Variants in OR7E24 observed in about 807,000 individuals in gnomAD.
OR7E24 encodes the protein olfactory receptor 7E24.
For missense variants in OR7E24, 385 were observed against 410.3 expected, an observed-to-expected ratio of 0.94 and a Z score of 0.53; for synonymous variants, 130 against 157.5, an observed-to-expected ratio of 0.83 and a Z score of 1.31.
At chr19:9,245,997 A>G (rs1418900712), upstream of OR7E24, among the ~76,000 whole-genome samples, 7 of 141,188 alleles carry the variant, frequency 5.0e-5, no homozygotes, top group East Asian at 2.2e-4. Context: ...GTGAGTGTGT[A>G]TATATATATT....
upstream of OR7E24, among the ~76,000 whole-genome samples, chr19:9,243,919 C>T (rs1419394320): frequency 6.6e-6 from 1 of 152,190 alleles, no homozygotes; most frequent in South Asian, 2.1e-4. Flanking sequence ...CAGGCTGCCT[C>T]CTCCCGGGAG....
chr19:9,222,364 G>A, the OR7E24 span, among the ~76,000 whole-genome samples: 6 of 152,260 alleles, frequency 3.9e-5, no homozygotes, highest in African/African-American at 1.4e-4. Context: ...GACAGGGTTT[G>A]CATTAAATCT....
chr19:9,214,008 A>T, the OR7E24 span: 1 of 1,614,112 alleles, frequency 6.2e-7, no homozygotes, highest in Non-Finnish European at 8.5e-7. Flanking sequence ...CATGGCGTAC[A>T]TCACTGAGGC....
chr19:9,209,057 T>C, the OR7E24 span: 1 of 152,336 alleles, frequency 6.6e-6, no homozygotes, highest in East Asian at 1.9e-4. Context: ...GTTGGCACTT[T>C]TATTTTAATA....
chr19:9,251,196 C>T lies in OR7E24; in HGVS notation c.153C>T (p.Ser51=). The T allele has an allele frequency of 6.2e-7, 1 of 1,614,054 alleles. No individual in the cohort carries two copies. Among genetic ancestry groups the T allele is most frequent in the Non-Finnish European group, 8.5e-7 (1 of 1,179,996 alleles). The part of the protein sequence containing the change: ...LQPVLAGLFL[S]MYLVTVLGNL... Reference sequence around the variant, plus strand: ...CGGTCCTCGCTGGGCTGTTCCTGTCCATGTACCTGGTCACGGTGCTGGGGA... The same window carrying T: ...CGGTCCTCGCTGGGCTGTTCCTGTCTATGTACCTGGTCACGGTGCTGGGGA... The change falls in exon 1 of 1, where the codon TCC becomes TCT. Residue 51 remains serine, a synonymous_variant. Coordinates refer to ENST00000456448, the MANE Select transcript of OR7E24 (RefSeq NM_001079935.2).
upstream of OR7E24, among the ~76,000 whole-genome samples, chr19:9,242,929 GTCTT>G (rs746416681): frequency 3.4e-5 from 5 of 145,088 alleles, no homozygotes; most frequent in South Asian, 2.2e-4. Context: ...CTTCCTTCTT[GTCTT>G]TCTTTCTTTC....
the OR7E24 span, among the ~76,000 whole-genome samples, chr19:9,228,902 G>A: frequency 5.9e-5 from 9 of 152,182 alleles, no homozygotes; most frequent in South Asian, 2.1e-4. Context: ...AAAGGCAGAC[G>A]TTATGTTATG....
chr19:9,226,769 CA>C, the OR7E24 span, among the ~76,000 whole-genome samples: 2 of 152,188 alleles, frequency 1.3e-5, no homozygotes, highest in East Asian at 3.8e-4. Context: ...CTTACTTTTA[CA>C]GCCTTTAGAA....
At chr19:9,217,167 C>T in the OR7E24 span, among the ~76,000 whole-genome samples, 29 of 152,154 alleles carry the variant, frequency 1.9e-4, no homozygotes, top group East Asian at 1.9e-3. Context: ...AAAGGGACAC[C>T]GCCATTAGAA....
chr19:9,235,531 C>A, the OR7E24 span: 1 of 1,549,022 alleles, frequency 6.5e-7, no homozygotes, highest in Non-Finnish European at 8.9e-7. Context: ...CTGCCACCCA[C>A]TGCAGTACAT....
chr19:9,214,712 G>A, the OR7E24 span: 10 of 1,614,062 alleles, frequency 6.2e-6, no homozygotes, highest in Non-Finnish European at 8.5e-6. Flanking sequence ...TGATGAGCAG[G>A]TTCCCCAGCA....
the OR7E24 span, among the ~76,000 whole-genome samples, chr19:9,229,088 G>T: frequency 6.6e-6 from 1 of 152,062 alleles, no homozygotes; most frequent in Non-Finnish European, 1.5e-5. Flanking sequence ...CAATAAAGTG[G>T]TTAAAACATA....
At chr19:9,242,471 A>G (rs1285667781), upstream of OR7E24, among the ~76,000 whole-genome samples, 5 of 152,252 alleles carry the variant, frequency 3.3e-5, no homozygotes, top group African/African-American at 1.2e-4. Context: ...GCTGATCTCA[A>G]ACTCCTGACC....
chr19:9,242,642 G>T (rs1253648844), upstream of OR7E24, among the ~76,000 whole-genome samples: 1 of 152,170 alleles, frequency 6.6e-6, no homozygotes, highest in Non-Finnish European at 1.5e-5. Flanking sequence ...GCAACTTGAC[G>T]TTGAGACCAC....
chr19:9,211,766 C>T, the OR7E24 span: 2 of 117,704 alleles, frequency 1.7e-5, no homozygotes, highest in East Asian at 4.8e-4. Flanking sequence ...CAGAGCAAGA[C>T]TCCATCTCAA....
upstream of OR7E24, among the ~76,000 whole-genome samples, chr19:9,249,927 C>T (rs1488616154): frequency 6.6e-6 from 1 of 151,928 alleles, no homozygotes; most frequent in Admixed American, 6.6e-5. Context: ...TGCATTCCAG[C>T]CTGGTGACAG....
the OR7E24 span, chr19:9,213,784 A>G: frequency 2.7e-6 from 2 of 744,948 alleles, no homozygotes; most frequent in East Asian, 5.2e-5. Context: ...AACAACAACC[A>G]AAAATCCCAC....
the OR7E24 span, chr19:9,213,245 A>C: frequency 6.6e-6 from 1 of 152,330 alleles, no homozygotes; most frequent in East Asian, 1.9e-4. Flanking sequence ...CCAGGTCAGC[A>C]CTTGATATTG....
chr19:9,233,097 GCTGT>G, the OR7E24 span, among the ~76,000 whole-genome samples: 1 of 152,046 alleles, frequency 6.6e-6, no homozygotes, highest in African/African-American at 2.4e-5. Context: ...CCCAGCCTAC[GCTGT>G]CTATTCTTTC....
Sources: gnomAD v4.1 joint callset for allele counts (sites outside exome capture counted in the v4.1 genomes callset) on GRCh38, gnomAD v4.1.1 for gene constraint, MANE v1.5 for transcripts, NCBI Gene and HGNC (gene_info 2026-07-23, HGNC 2026-07-21) for gene names.